Variants in USH2A observed in about 807,000 individuals in gnomAD.
USH2A encodes the protein usherin.
In USH2A, 443 loss-of-function variants were observed where a neutral mutation model predicts 538.9. The observed-to-expected ratio is 0.82, with a 90% CI of 0.76 to 0.89. The LOEUF (loss-of-function observed/expected upper bound fraction) is 0.89. Ranked by LOEUF, USH2A falls within the 40% of genes least tolerant of loss-of-function variation. USH2A has a pLI of 0.00. For synonymous variants in USH2A, 2,413 were observed against 2,273.5 expected (o/e 1.06, Z -1.75); for missense variants, 6,633 against 6,324.8 (o/e 1.05, Z -1.65).
At chr1:215,808,027 G>A (rs1662551714) in intron 49 of USH2A, among the ~76,000 whole-genome samples, 1 of 152,052 alleles carries the variant, frequency 6.6e-6, no homozygotes, top group Non-Finnish European at 1.5e-5. Context: ...TGAAAGAAAT[G>A]GGATATGGAG....
At chr1:216,379,299 C>CT (rs1394826741) in intron 3 of USH2A, among the ~76,000 whole-genome samples, 7 of 152,166 alleles carry the variant, frequency 4.6e-5, no homozygotes, top group African/African-American at 1.7e-4. Context: ...GGCTGGTTTC[C>CT]TTTGCCAATC....
rs1008027809 is a variant in USH2A, at chr1:216,317,707, G to T, written c.1644+4176C>A. Among the ~76,000 whole-genome samples the T allele has an allele frequency of 9.7e-4, 147 of 151,902 alleles. 1 individual carries two copies. The highest frequency in any genetic ancestry group is 3.4e-3 in the African/African-American group (141 of 41,456). Reference sequence around the variant, plus strand: ...ACAAAAAAAAAAATACAAAAAGTTAGCCGCGTGTGGTGGTGTGCAGCTGTA... The same window carrying T: ...ACAAAAAAAAAAATACAAAAAGTTATCCGCGTGTGGTGGTGTGCAGCTGTA... On this transcript the variant is annotated intron_variant, in intron 9 of 71. Transcript: ENST00000307340.
intron 15 of USH2A, among the ~76,000 whole-genome samples, chr1:216,213,965 C>T (rs2035295347): frequency 2.0e-5 from 3 of 151,952 alleles, no homozygotes; most frequent in Admixed American, 2.0e-4. Context: ...CAACATTAGT[C>T]AGCAGGAAAA....
At chr1:215,759,233 T>G (rs1215211095) in intron 57 of USH2A, among the ~76,000 whole-genome samples, 1 of 152,202 alleles carries the variant, frequency 6.6e-6, no homozygotes, top group African/African-American at 2.4e-5. Flanking sequence ...AATGCAAATA[T>G]GTGGAACTTT....
chr1:215,973,558 C>T lies in USH2A; in HGVS notation c.6806-2782G>A, dbSNP rs77007161. ...TACCCAGCTTTTACCCTAAACATCA[C>T]TCAGTGACTGCACCTTACCAATTCT... On this transcript the variant is annotated intron_variant, in intron 35 of 71. Coordinates refer to ENST00000307340, the MANE Select transcript of USH2A (RefSeq NM_206933.4). 9.7e-3 allele frequency among the ~76,000 whole-genome samples: 1,482 copies of T among 152,152 alleles called. 30 individuals carry two copies. The highest frequency in any genetic ancestry group is 0.034 in the African/African-American group (1,421 of 41,522).
intron 32 of USH2A, among the ~76,000 whole-genome samples, chr1:216,018,980 G>T (rs1406715052): frequency 3.9e-5 from 6 of 152,010 alleles, no homozygotes; most frequent in African/African-American, 1.2e-4. Context: ...GCTATCAATA[G>T]ATATTTATTA....
chr1:215,819,227 C>T (rs924183183), intron 47 of USH2A, among the ~76,000 whole-genome samples: 2 of 151,648 alleles, frequency 1.3e-5, no homozygotes, highest in Admixed American at 6.6e-5. Context: ...TTTTTGCTAT[C>T]GTGTAAAATA....
chr1:216,137,257 C>G (rs1178591189), intron 21 of USH2A, among the ~76,000 whole-genome samples: 2 of 152,064 alleles, frequency 1.3e-5, no homozygotes, highest in Non-Finnish European at 2.9e-5. Flanking sequence ...AGTTTGTTTT[C>G]ACGCTGCTGA....
intron 3 of USH2A, among the ~76,000 whole-genome samples, chr1:216,394,961 A>G (rs1312664992): frequency 2.0e-5 from 3 of 151,928 alleles, no homozygotes; most frequent in East Asian, 1.9e-4. Context: ...CTTGTGATCC[A>G]GCCGCCTCGG....
At chr1:216,215,366 T>C (rs1366232896) in intron 15 of USH2A, among the ~76,000 whole-genome samples, 1 of 152,158 alleles carries the variant, frequency 6.6e-6, no homozygotes, top group Non-Finnish European at 1.5e-5. Flanking sequence ...TAGATAGCAC[T>C]ACATTCCTTT....
chr1:215,980,790 C>T (rs1667734176), intron 35 of USH2A, among the ~76,000 whole-genome samples: 1 of 152,138 alleles, frequency 6.6e-6, no homozygotes, highest in Admixed American at 6.6e-5. Context: ...AGTAGCCATA[C>T]TTCACTCATT....
chr1:215,794,733 G>T (rs371123446), intron 50 of USH2A, among the ~76,000 whole-genome samples: 1 of 152,160 alleles, frequency 6.6e-6, no homozygotes, highest in Non-Finnish European at 1.5e-5. Flanking sequence ...ATCTTGATTC[G>T]CAAGAGTTGA....
chr1:215,970,666 C>G lies in USH2A; in HGVS notation c.6916G>C (p.Val2306Leu). The G allele has an allele frequency of 6.2e-7, 1 of 1,613,672 alleles. No individual in the cohort carries two copies. The highest frequency in any genetic ancestry group is 8.5e-7 in the Non-Finnish European group (1 of 1,179,748). ...FAPWSLHSFR[V>L]QACTAKGCAL... Reference sequence around the variant, plus strand: ...CAACCTTTGGCCGTGCATGCTTGGACTCTGAAGGAATGTAAACTCCAAGGA... The same window carrying G: ...CAACCTTTGGCCGTGCATGCTTGGAGTCTGAAGGAATGTAAACTCCAAGGA... The change falls in exon 36 of 72, where the codon GTC becomes CTC. Residue 2306 changes from valine (V) to leucine (L), a missense_variant. Transcript: ENST00000307340.
rs727503717 is a variant in USH2A at position 215,675,449 on chromosome 1, A to G, written c.12462T>C (p.Pro4154=). Residue 4154 remains proline, a synonymous_variant, in exon 63 of 72, where the codon CCT becomes CCC. Transcript: ENST00000307340. ...CAGTAGGAGCCAGCTGAGAGTCTGG[A>G]GGGGCTTCATCTGTCCACAGAGGCT... The part of the protein sequence containing the change: ...APQPLWTDEA[P]PDSQLAPTVH... 1 of 1,613,984 alleles carries G rather than the reference A, an allele frequency of 6.2e-7. No individual in the cohort carries two copies. Among genetic ancestry groups the G allele is most frequent in the Non-Finnish European group, 8.5e-7 (1 of 1,179,890 alleles).
intron 36 of USH2A, among the ~76,000 whole-genome samples, chr1:215,969,149 T>G (rs1342262734): frequency 6.6e-6 from 1 of 152,168 alleles, no homozygotes; most frequent in African/African-American, 2.4e-5. Context: ...AATAAAGACA[T>G]TGCTCTTCAA....
rs79788472 is a variant in USH2A, at chr1:216,254,145, A to G, written c.1972-3047T>C. 3.1e-3 allele frequency among the ~76,000 whole-genome samples: 472 copies of G among 152,330 alleles called. 5 individuals are homozygous for G. Among genetic ancestry groups the G allele is most frequent in the East Asian group, 0.015 (79 of 5,178 alleles). ...ATAACAAGTTTACTCCCATTTCATT[A>G]ATCTCTCTGTAACACATATAGATTA... On this transcript the variant is annotated intron_variant, in intron 11 of 71. Transcript: ENST00000307340.
intron 54 of USH2A, among the ~76,000 whole-genome samples, chr1:215,781,250 T>C (rs1661626504): frequency 1.3e-5 from 2 of 152,230 alleles, no homozygotes; most frequent in Admixed American, 1.3e-4. Context: ...TCTGACCAGA[T>C]ATTTTCACAT....
chr1:215,999,657 C>A (rs934282566), intron 33 of USH2A, among the ~76,000 whole-genome samples: 1 of 152,238 alleles, frequency 6.6e-6, no homozygotes, highest in South Asian at 2.1e-4. Context: ...ATAGAACAGA[C>A]AGGAAATTGT....
intron 32 of USH2A, among the ~76,000 whole-genome samples, chr1:216,004,233 T>C (rs918803210): frequency 4.6e-5 from 7 of 152,254 alleles, no homozygotes; most frequent in African/African-American, 1.7e-4. Context: ...TGGCTTGAGA[T>C]ATATAATTTG....
Sources: allele counts gnomAD v4.1 joint callset (sites outside exome capture counted in the v4.1 genomes callset), GRCh38; gene constraint gnomAD v4.1.1; transcripts MANE v1.5; gene names NCBI Gene and HGNC (gene_info 2026-07-23, HGNC 2026-07-21).